KIAA0040: variants seen among roughly 807,000 people sequenced by gnomAD.
The protein encoded by KIAA0040 is uncharacterized protein KIAA0040.
KIAA0040 carries 10 observed loss-of-function variants against 7.2 expected under a neutral mutation model. The observed-to-expected ratio is 1.38, with a 90% CI of 0.85 to 2.34. KIAA0040 has a LOEUF of 2.34. KIAA0040 is among the 30% of genes most tolerant of loss of function. The pLI, the probability that KIAA0040 is intolerant of heterozygous loss-of-function variation, is 0.00. For synonymous variants in KIAA0040, 49 were observed against 40.1 expected (o/e 1.22, Z -0.84); for missense variants, 89 against 108.2 (o/e 0.82, Z 0.79).
chr1:175,182,891 C>G (rs1409794617), intron 1 of KIAA0040, among the ~76,000 whole-genome samples: 3 of 152,224 alleles, frequency 2.0e-5, no homozygotes, highest in African/African-American at 7.2e-5. Context: ...CTGTAGGCAT[C>G]TGAGCTTGTG....
At chr1:175,181,002 A>G (rs1020977055) in intron 1 of KIAA0040, among the ~76,000 whole-genome samples, 1 of 151,792 alleles carries the variant, frequency 6.6e-6, no homozygotes, top group African/African-American at 2.4e-5. Flanking sequence ...GCACCACCAC[A>G]TCTGCCTAAT....
At position 175,161,073 on chromosome 1, in the gene KIAA0040, A is replaced by G; in HGVS notation, c.-60T>C. The G allele has an allele frequency of 3.5e-6, 5 of 1,441,324 alleles. No homozygotes were observed. The highest frequency in any genetic ancestry group is 4.6e-6 in the Non-Finnish European group (5 of 1,077,908). The allele number at this position is 1,441,324 out of a possible 1,614,324, so 89.3% of individuals were successfully genotyped here. A position where few individuals can be genotyped will look rare whatever the true frequency, so the allele number is the denominator to read the frequency against. On this transcript the variant is annotated 5_prime_UTR_variant, in exon 4 of 4. Transcript: ENST00000423313. ...CGGCTTACAAGCAGGTCCTGGGCTC[A>G]AAAGGATGCAACCTTGACCACTTGT...
At chr1:175,180,638 C>T (rs926112740) in intron 1 of KIAA0040, among the ~76,000 whole-genome samples, 2 of 151,530 alleles carry the variant, frequency 1.3e-5, no homozygotes, top group African/African-American at 2.4e-5. Flanking sequence ...TGGAGACTGG[C>T]TACTTTTTAA....
chr1:175,163,693 T>C (rs1036663132), intron 3 of KIAA0040, among the ~76,000 whole-genome samples: 4 of 152,392 alleles, frequency 2.6e-5, no homozygotes, highest in Non-Finnish European at 5.9e-5. Context: ...TTCTGCTCTG[T>C]TGTGGAAAGG....
intron 3 of KIAA0040, among the ~76,000 whole-genome samples, chr1:175,162,178 T>C (rs1676571142): frequency 6.6e-6 from 1 of 152,206 alleles, no homozygotes; most frequent in African/African-American, 2.4e-5. Flanking sequence ...CAGGTTCTTG[T>C]GTACAAACAA....
chr1:175,186,582 A>C (rs1677667912), intron 1 of KIAA0040, among the ~76,000 whole-genome samples: 1 of 152,164 alleles, frequency 6.6e-6, no homozygotes, highest in Non-Finnish European at 1.5e-5. Context: ...TCTGGAAATG[A>C]GGTGTTCTTT....
chr1:175,191,204 C>T (rs994481311), intron 1 of KIAA0040, among the ~76,000 whole-genome samples: 15 of 152,216 alleles, frequency 9.9e-5, no homozygotes, highest in Non-Finnish European at 1.5e-4. Flanking sequence ...GGCCTGCACA[C>T]GGTAGGTTTG....
intron 1 of KIAA0040, among the ~76,000 whole-genome samples, chr1:175,192,251 T>C (rs1485518011): frequency 6.6e-6 from 1 of 152,226 alleles, no homozygotes; most frequent in African/African-American, 2.4e-5. Context: ...TGGCTTCACC[T>C]AGAATGGTTT....
chr1:175,182,250 C>T (rs1369568383), intron 1 of KIAA0040, among the ~76,000 whole-genome samples: 1 of 152,192 alleles, frequency 6.6e-6, no homozygotes, highest in African/African-American at 2.4e-5. Flanking sequence ...GTTAAGGGAA[C>T]TTGAGTGTAT....
chr1:175,167,028 A>G (rs1392582080), intron 2 of KIAA0040, among the ~76,000 whole-genome samples: 1 of 152,184 alleles, frequency 6.6e-6, no homozygotes, highest in Non-Finnish European at 1.5e-5. Context: ...CAAACCAAAC[A>G]TTCATCAAAG....
intron 2 of KIAA0040, among the ~76,000 whole-genome samples, chr1:175,167,678 C>G (rs1290598164): frequency 6.6e-6 from 1 of 152,040 alleles, no homozygotes; most frequent in Middle Eastern, 3.2e-3. Context: ...GAAATGATCA[C>G]AGTTGTCCAG....
chr1:175,178,913 C>T (rs988748366), intron 1 of KIAA0040, among the ~76,000 whole-genome samples: 3 of 131,792 alleles, frequency 2.3e-5, no homozygotes, highest in African/African-American at 5.8e-5. Flanking sequence ...AATGCAGGTA[C>T]TATTAGAAAG....
Position 175,192,741 on chromosome 1 carries a change from T to C in KIAA0040, c.-485A>G, listed in dbSNP as rs1025016496. On this transcript the variant is annotated 5_prime_UTR_variant, in exon 1 of 4. Coordinates refer to ENST00000423313, the MANE Select transcript of KIAA0040 (RefSeq NM_014656.3). ...CCTGGAGGGAGGTGTGGGTTCCTTT[T>C]TGGTTGCCTCTGCACTCCCACCCCG... 6.6e-6 allele frequency: 1 copy of C among 152,294 alleles called. No individual in the cohort carries two copies. The highest frequency in any genetic ancestry group is 2.4e-5 in the African/African-American group (1 of 41,436). 9.4% of individuals were successfully genotyped at this position (152,294 alleles called of 1,614,324 possible). A position where few individuals can be genotyped will look rare whatever the true frequency, so the allele number is the denominator to read the frequency against.
chr1:175,185,213 T>A (rs1208610907), intron 1 of KIAA0040, among the ~76,000 whole-genome samples: 1 of 152,042 alleles, frequency 6.6e-6, no homozygotes, highest in East Asian at 1.9e-4. Context: ...AAATCTGAAA[T>A]CCAAAACATG....
At chr1:175,161,471 C>G (rs1264739802) in intron 3 of KIAA0040, among the ~76,000 whole-genome samples, 1 of 152,190 alleles carries the variant, frequency 6.6e-6, no homozygotes, top group Non-Finnish European at 1.5e-5. Context: ...GGTTGCTTCC[C>G]TGGACCCTTC....
chr1:175,165,746 C>T (rs1370703954), intron 3 of KIAA0040, among the ~76,000 whole-genome samples: 1 of 152,190 alleles, frequency 6.6e-6, no homozygotes, highest in African/African-American at 2.4e-5. Context: ...GGAAGTGTTA[C>T]AGGGGTGGGT....
chr1:175,183,815 A>C (rs1472002793), intron 1 of KIAA0040, among the ~76,000 whole-genome samples: 1 of 152,162 alleles, frequency 6.6e-6, no homozygotes, highest in Non-Finnish European at 1.5e-5. Flanking sequence ...GCTTGCAGCT[A>C]GGTGCTTGCA....
intron 2 of KIAA0040, among the ~76,000 whole-genome samples, chr1:175,171,225 T>A (rs982735441): frequency 4.6e-5 from 7 of 152,170 alleles, no homozygotes; most frequent in African/African-American, 1.7e-4. Context: ...TATCTCACCA[T>A]CCTGCCCTAC....
intron 1 of KIAA0040, among the ~76,000 whole-genome samples, chr1:175,187,572 C>T (rs1219275499): frequency 1.3e-5 from 2 of 152,204 alleles, no homozygotes; most frequent in Non-Finnish European, 2.9e-5. Flanking sequence ...AAGCTCTTGA[C>T]TCAGAGTGCA....
Sources: allele counts gnomAD v4.1 joint callset (sites outside exome capture counted in the v4.1 genomes callset), GRCh38; gene constraint gnomAD v4.1.1; transcripts MANE v1.5; gene names NCBI Gene and HGNC (gene_info 2026-07-23, HGNC 2026-07-21).